Variants in CAMSAP3 observed in about 807,000 individuals in gnomAD.
CAMSAP3 encodes calmodulin-regulated spectrin-associated protein 3.
Under a neutral mutation model 112.5 loss-of-function variants are expected in CAMSAP3, and 34 were observed. That is an observed-to-expected ratio of 0.30 (90% CI 0.23 to 0.40). CAMSAP3 has a LOEUF of 0.40. CAMSAP3 is among the 10% of genes least tolerant of loss of function. CAMSAP3 has a pLI of 1.00. For missense variants in CAMSAP3, 1,602 were observed against 1,770.3 expected, an observed-to-expected ratio of 0.90 and a Z score of 1.71; for synonymous variants, 868 against 799.8, an observed-to-expected ratio of 1.09 and a Z score of -1.44.
chr19:7,611,442 G>T lies in CAMSAP3; in HGVS notation c.1124-75G>T. ...TGACTCACCCAATGACCTTGCAGAG[G>T]TTGTCCCCAGATGCTGGCTGACCCC... On this transcript the variant is annotated intron_variant, in intron 9 of 16. Transcript: ENST00000160298. This position sits in a 1 kb window ranked among gnomAD's most constrained non-coding sequence, Gnocchi z 6.9. 4 of 1,408,610 alleles carry T rather than the reference G, an allele frequency of 2.8e-6. No homozygotes were observed. Among genetic ancestry groups the T allele is most frequent in the Non-Finnish European group, 2.9e-6 (3 of 1,032,020 alleles). 87.3% of individuals were successfully genotyped at this position (1,408,610 alleles called of 1,614,324 possible).
chr19:7,608,098 A>T, intron 4 of CAMSAP3, 28 bp from the exon 5 acceptor site: 1 of 1,601,690 alleles, frequency 6.2e-7, no homozygotes, highest in South Asian at 1.1e-5. Context: ...CAGCCTGGCC[A>T]CTCACCTGAC....
chr19:7,615,173 CT>C lies in CAMSAP3; in HGVS notation c.2671-9del. The stretch of plus-strand genomic sequence containing the variant: ...GGGGGTGGCTGGCTGGACTCGGCGT[CT>C]GTCCCCAGGATGAAGACAAGCCTGA... On this transcript the variant is annotated splice_polypyrimidine_tract_variant and intron_variant, in intron 11 of 16. Transcript: ENST00000160298. The surrounding 1 kb of genome is among the most constrained non-coding windows in gnomAD (Gnocchi z 6.5). The C allele has an allele frequency of 6.4e-7, 1 of 1,554,386 alleles. No individual in the cohort carries two copies. The highest frequency in any genetic ancestry group is 2.4e-5 in the East Asian group (1 of 41,312).
chr19:7,596,180 G>C, intron 1 of CAMSAP3, 30 bp downstream of exon 1: 1 of 172,668 alleles, frequency 5.8e-6, no homozygotes, highest in Non-Finnish European at 1.1e-5. Flanking sequence ...CGGGGTCGGG[G>C]GCGGCGGGCC....
In CAMSAP3 at chr19:7,617,257, C is replaced by A; in HGVS notation, c.3213-69C>A. The A allele has an allele frequency of 9.1e-7, 1 of 1,102,110 alleles. No homozygotes were observed. The highest frequency in any genetic ancestry group is 1.4e-6 in the Non-Finnish European group (1 of 716,400). 68.3% of individuals were successfully genotyped at this position (1,102,110 alleles called of 1,614,324 possible). ...CTTGGCCCCTCTGCACATAGGGAAG[C>A]TTCCCATCTCTGACCCCACCTCCAT... On this transcript the variant is annotated intron_variant, in intron 14 of 16. Coordinates refer to ENST00000160298, the MANE Select transcript of CAMSAP3 (RefSeq NM_020902.2). This position sits in a 1 kb window ranked among gnomAD's most constrained non-coding sequence, Gnocchi z 7.5.
intron 1 of CAMSAP3, among the ~76,000 whole-genome samples, chr19:7,597,139 A>C (rs570917260): frequency 3.3e-5 from 5 of 152,170 alleles, no homozygotes; most frequent in African/African-American, 1.2e-4. Context: ...GGTTCTGCCC[A>C]CTGGTGTTGG....
At chr19:7,602,961 G>GA (rs1409020853) in intron 1 of CAMSAP3, among the ~76,000 whole-genome samples, 4 of 152,186 alleles carry the variant, frequency 2.6e-5, no homozygotes, top group African/African-American at 9.6e-5. Context: ...CAGGGAGGAA[G>GA]TGAGCCTGAA....
chr19:7,600,997 T>C (rs1344033589), intron 1 of CAMSAP3, among the ~76,000 whole-genome samples: 1 of 151,312 alleles, frequency 6.6e-6, no homozygotes, highest in Non-Finnish European at 1.5e-5. Flanking sequence ...CTAGCTATGT[T>C]GTAGACCTGT....
intron 1 of CAMSAP3, among the ~76,000 whole-genome samples, chr19:7,596,549 C>T (rs1470969958): frequency 1.3e-5 from 2 of 152,132 alleles, no homozygotes; most frequent in Non-Finnish European, 2.9e-5. Flanking sequence ...CACGCCCCTG[C>T]GAGGATCTCC....
intron 2 of CAMSAP3, 135 bp from the exon 3 acceptor site, chr19:7,606,136 G>T: frequency 3.9e-6 from 2 of 511,794 alleles, no homozygotes; most frequent in South Asian, 2.0e-5. Context: ...TGAACCACTG[G>T]CCCCGCCCCC....
In CAMSAP3 at chr19:7,608,058, C is replaced by T. The variant is rs1383109276; in HGVS notation, c.622-68C>T. 1.1e-5 allele frequency: 18 copies of T among 1,569,260 alleles called. No individual in the cohort carries two copies. The Admixed American group carries it at 3.0e-4, about 26-fold the overall frequency. On this transcript the variant is annotated intron_variant, in intron 4 of 16. Transcript: ENST00000160298. The stretch of plus-strand genomic sequence containing the variant: ...TGGCGGAAACCCCAGGCCTCCCTGC[C>T]CAGCCTGCATGACCGCTGACCCTGG...
At chr19:7,599,318 C>T (rs2029863301) in intron 1 of CAMSAP3, among the ~76,000 whole-genome samples, 1 of 127,408 alleles carries the variant, frequency 7.8e-6, no homozygotes, top group African/African-American at 2.9e-5. Context: ...CATCCACCCA[C>T]CCCACTCATC....
At chr19:7,615,000 T>A in intron 11 of CAMSAP3, 183 bp from the exon 12 acceptor site, 1 of 695,422 alleles carries the variant, frequency 1.4e-6, no homozygotes, top group South Asian at 1.8e-5. Context: ...GTGTATCCCA[T>A]CCCTGTTGTG....
chr19:7,611,189 T>G lies in CAMSAP3; in HGVS notation c.1123+21T>G. ...CACAGGTGAGGAGGGGGTAGGTGGC[T>G]TCTGTCACGGGGGACCCCCCCACTC... On this transcript the variant is annotated intron_variant, in intron 9 of 16. Transcript: ENST00000160298. The surrounding 1 kb of genome is among the most constrained non-coding windows in gnomAD (Gnocchi z 6.9). 2 of 1,612,286 alleles carry G rather than the reference T, an allele frequency of 1.2e-6. No homozygotes were observed. The highest frequency in any genetic ancestry group is 1.7e-6 in the Non-Finnish European group (2 of 1,179,230).
At chr19:7,606,190 C>T (rs542573169) in intron 2 of CAMSAP3, 81 bp from the exon 3 acceptor site, 3 of 879,196 alleles carry the variant, frequency 3.4e-6, no homozygotes, top group East Asian at 1.2e-4. Context: ...TCTGCAGGTT[C>T]TTCCTTTTCC....
chr19:7,602,915 G>A (rs569363382), intron 1 of CAMSAP3, among the ~76,000 whole-genome samples: 1 of 151,892 alleles, frequency 6.6e-6, no homozygotes, highest in Non-Finnish European at 1.5e-5. Flanking sequence ...TCGAGCTCAG[G>A]GAAATTGAGG....
chr19:7,603,878 T>C (rs888396769), intron 1 of CAMSAP3, among the ~76,000 whole-genome samples: 6 of 152,052 alleles, frequency 3.9e-5, no homozygotes, highest in Admixed American at 1.3e-4. Context: ...CTCACGCCTG[T>C]AATCCCAGCA....
chr19:7,606,517 C>G lies in CAMSAP3; in HGVS notation c.567C>G (p.Ala189=). ...RLQEKTEQEA[A]QRASPAAPAD... ...AGGAGAAGACCGAGCAGGAAGCGGCCCAGCGAGCCTCTCCAGCAGCCCCTG... is the reference window on the plus strand; with the variant it reads ...AGGAGAAGACCGAGCAGGAAGCGGCGCAGCGAGCCTCTCCAGCAGCCCCTG... Residue 189 remains alanine (A), a synonymous_variant, in exon 4 of 17, where the codon GCC becomes GCG. Transcript: ENST00000160298. 1 of 1,554,284 alleles carries G rather than the reference C, an allele frequency of 6.4e-7. No individual in the cohort carries two copies. Among genetic ancestry groups the G allele is most frequent in the Non-Finnish European group, 8.6e-7 (1 of 1,158,632 alleles).
At chr19:7,609,643 TTATATC>T (rs2030376430) in intron 5 of CAMSAP3, among the ~76,000 whole-genome samples, 1 of 152,136 alleles carries the variant, frequency 6.6e-6, no homozygotes, top group Non-Finnish European at 1.5e-5. Context: ...ATTATGTACT[TTATATC>T]TAATACGTTG....
At position 7,615,492 on chromosome 19, in the gene CAMSAP3, C is replaced by T; in HGVS notation, c.2885C>T (p.Ala962Val). ...AVPMATPAPA[A>V]RAPAEEEVGP... ...CCGATGGCGACTCCAGCCCCTGCTG[C>T]CCGGGCTCCAGCCGAGGAGGAGGTG... The change falls in exon 13 of 17, where the codon GCC becomes GTC. Residue 962 changes from alanine to valine, a missense_variant. This residue lies in a region of CAMSAP3 where 1,100 missense variants were observed against 1,135.7 expected (regional missense o/e 0.97). Coordinates refer to ENST00000160298, the MANE Select transcript of CAMSAP3 (RefSeq NM_020902.2). The surrounding 1 kb of genome is among the most constrained non-coding windows in gnomAD (Gnocchi z 6.5). The T allele has an allele frequency of 6.5e-7, 1 of 1,540,462 alleles. No individual in the cohort carries two copies. The highest frequency in any genetic ancestry group is 8.7e-7 in the Non-Finnish European group (1 of 1,145,552).
Sources: gnomAD v4.1 joint callset for allele counts (sites outside exome capture counted in the v4.1 genomes callset) on GRCh38, gnomAD v4.1.1 for gene constraint, gnomAD v4.1.1 regional missense constraint, Gnocchi (gnomAD v3.1) non-coding constraint, MANE v1.5 for transcripts, NCBI Gene and HGNC (gene_info 2026-07-23, HGNC 2026-07-21) for gene names.